The following FANCI variants were observed in gnomAD, a reference collection of about 807,000 sequenced individuals.
FANCI encodes the protein Fanconi anemia group I protein.
Under a neutral mutation model 176.1 loss-of-function variants are expected in FANCI, and 156 were observed. That is an observed-to-expected ratio of 0.89 (90% confidence interval 0.78 to 1.01). The LOEUF (loss-of-function observed/expected upper bound fraction) is 1.01. Ranked by LOEUF, FANCI falls within the 50% of genes least tolerant of loss-of-function variation. The pLI is 0.00. For synonymous variants in FANCI, 613 were observed against 541.7 expected (o/e 1.13, Z -1.83); for missense variants, 1,678 against 1,534.1 (o/e 1.09, Z -1.57).
chr15:89,252,299 TA>T (rs765131815), intron 2 of FANCI, among the ~76,000 whole-genome samples: 1,563 of 129,800 alleles, frequency 0.012, 6 homozygotes, highest in African/African-American at 0.03. Context: ...AGATTCCATC[TA>T]AAAAAAAAAA....
In FANCI at chr15:89,316,848, G is replaced by C. The variant is rs554635520; in HGVS notation, c.*389G>C. 13 of 1,570,940 alleles carry C rather than the reference G, an allele frequency of 8.3e-6. No homozygotes were observed. The highest frequency in any genetic ancestry group is 8.8e-6 in the Non-Finnish European group (10 of 1,140,782). ...TTCACCTGAAAGATAGTGCAAATTG[G>C]TTAGGATGCCACCTCAAGAACTGTA... On this transcript the variant is annotated 3_prime_UTR_variant, in exon 38 of 38. Transcript: ENST00000310775.
chr15:89,301,865 C>G (rs149328975), intron 27 of FANCI, among the ~76,000 whole-genome samples: 222 of 152,350 alleles, frequency 1.5e-3, no homozygotes, highest in African/African-American at 4.6e-3. Context: ...TTACCTGGTA[C>G]TGACTTTGGA....
chr15:89,282,198 A>G (rs2053641356), intron 16 of FANCI: 1 of 300,454 alleles, frequency 3.3e-6, no homozygotes, highest in African/African-American at 2.2e-5. Context: ...ACTACATTAG[A>G]ATAATCTTCA....
rs779276973 is a variant in FANCI at position 89,292,746 on chromosome 15, C to T, written c.2051C>T (p.Pro684Leu). The T allele has an allele frequency of 5.0e-5, 81 of 1,613,594 alleles. No homozygotes were observed. The highest frequency in any genetic ancestry group is 6.4e-5 in the Non-Finnish European group (76 of 1,179,940). The stretch of plus-strand genomic sequence containing the variant: ...GCCTGGTATAAGAATACAGTCATAC[C>T]CTTACAGCAGGGAGAGGAGGAAGAG... ...CLAWYKNTVI[P>L]LQQGEEEEEE... The change falls in exon 21 of 38, where the codon CCC becomes CTC. Residue 684 changes from proline to leucine, a missense_variant. This residue lies in a region of FANCI where 1,204 missense variants were observed against 1,077.4 expected (regional missense o/e 1.12). Transcript: ENST00000310775.
At chr15:89,264,499 T>G in intron 8 of FANCI, 23 bp from the exon 9 acceptor site, 1 of 1,608,306 alleles carries the variant, frequency 6.2e-7, no homozygotes, top group Non-Finnish European at 8.5e-7. Flanking sequence ...TGGGAGACCT[T>G]ACCAATTTTG....
chr15:89,264,176 A>G lies in FANCI; in HGVS notation c.669+150A>G, dbSNP rs1000965108. 3.3e-6 allele frequency: 3 copies of G among 916,652 alleles called. No individual in the cohort carries two copies. The African/African-American group carries it at 5.0e-5, about 15-fold the overall frequency. The allele number at this position is 916,652 out of a possible 1,614,324, so 56.8% of individuals were successfully genotyped here. On this transcript the variant is annotated intron_variant, in intron 8 of 37. Transcript: ENST00000310775. ...CGTGAGCAAACATAGCCGAACATAG[A>G]TGCTTTCATTTCACATATAGTGGTT...
chr15:89,313,972 ATCACACAC>A (rs2055076828), intron 35 of FANCI, among the ~76,000 whole-genome samples: 1 of 82,928 alleles, frequency 1.2e-5, no homozygotes, highest in African/African-American at 4.9e-5. Context: ...AAGATATATA[ATCACACAC>A]ACACACACAC....
Position 89,281,316 on chromosome 15 carries a change from C to T in FANCI, c.1512+16C>T. ...GGCAGTGCAGGTAAGTCTTCAGATT[C>T]CCAAGTAACTTGCCAAAACTGAGGT... On this transcript the variant is annotated intron_variant, in intron 15 of 37. Coordinates refer to ENST00000310775, the MANE Select transcript of FANCI (RefSeq NM_001113378.2). 1 of 1,613,358 alleles carries T rather than the reference C, an allele frequency of 6.2e-7. No homozygotes were observed. The highest frequency in any genetic ancestry group is 8.5e-7 in the Non-Finnish European group (1 of 1,179,576).
intron 10 of FANCI, 52 bp from the exon 11 acceptor site, chr15:89,273,325 A>G (rs2053273101): frequency 8.7e-6 from 8 of 919,028 alleles, no homozygotes; most frequent in Non-Finnish European, 6.8e-6. Context: ...AAAAAAAAAA[A>G]AGAAAAAAGA....
intron 10 of FANCI, among the ~76,000 whole-genome samples, chr15:89,269,949 T>C (rs2053135015): frequency 6.6e-6 from 1 of 152,128 alleles, no homozygotes; most frequent in South Asian, 2.1e-4. Context: ...TAGCTGGGAC[T>C]ACAAGTGCGT....
intron 9 of FANCI, 106 bp from the exon 10 acceptor site, chr15:89,268,293 A>T: frequency 8.4e-7 from 1 of 1,193,008 alleles, no homozygotes; most frequent in Non-Finnish European, 1.2e-6. Flanking sequence ...CTGGTCTTGA[A>T]CTCCTGGGAT....
At chr15:89,281,966 A>C in intron 16 of FANCI, 131 bp downstream of exon 16, 1 of 850,054 alleles carries the variant, frequency 1.2e-6, no homozygotes, top group Non-Finnish European at 2.0e-6. Flanking sequence ...GAGCAATTTC[A>C]TCAAATAAGG....
At chr15:89,249,097 T>G (rs1208592454) in intron 2 of FANCI, among the ~76,000 whole-genome samples, 2 of 152,236 alleles carry the variant, frequency 1.3e-5, no homozygotes, top group Admixed American at 6.5e-5. Flanking sequence ...AAGATCATTT[T>G]GTATGATTCT....
rs117284046 is a variant in FANCI, at chr15:89,290,318, C to G, written c.1890+37C>G. On this transcript the variant is annotated intron_variant, in intron 19 of 37. Transcript: ENST00000310775. ...TTTTATGGATATATGGAAAACAGACCATCAAGGATCGAGAGACAGTTGATG... is the reference window on the plus strand; with the variant it reads ...TTTTATGGATATATGGAAAACAGACGATCAAGGATCGAGAGACAGTTGATG... 5.9e-4 allele frequency: 874 copies of G among 1,483,994 alleles called. 6 individuals are homozygous for G. In the East Asian group the frequency reaches 0.018, roughly 31 times the overall value. The allele number at this position is 1,483,994 out of a possible 1,614,324, so 91.9% of individuals were successfully genotyped here. A position where few individuals can be genotyped will look rare whatever the true frequency, so the allele number is the denominator to read the frequency against.
chr15:89,304,846 G>C lies in FANCI; in HGVS notation c.3059-269G>C, dbSNP rs1213298713. 1.1e-4 allele frequency among the ~76,000 whole-genome samples: 16 copies of C among 151,596 alleles called. 1 individual carries two copies. The East Asian group carries it at 1.6e-3, about 15-fold the overall frequency. On this transcript the variant is annotated intron_variant, in intron 28 of 37. Coordinates refer to ENST00000310775, the MANE Select transcript of FANCI (RefSeq NM_001113378.2). ...GGCAGGAATGCAATGGCACGGTCTT[G>C]GCTGACCGCAGCCTCCGCCTCCTGG...
In FANCI at chr15:89,285,014, G is replaced by A. The variant is rs569579439; in HGVS notation, c.1699-82G>A. 1,124 of 1,595,610 alleles carry A rather than the reference G, an allele frequency of 7.0e-4. 2 individuals are homozygous for A. The Middle Eastern group carries it at 0.026, about 37-fold the overall frequency. ...CATGTGGAGGAAGCTAAGTTTTTTCGACCAAGAACATAGGCTCATTTAGCT... is the reference window on the plus strand; with the variant it reads ...CATGTGGAGGAAGCTAAGTTTTTTCAACCAAGAACATAGGCTCATTTAGCT... On this transcript the variant is annotated intron_variant, in intron 17 of 37. Coordinates refer to ENST00000310775, the MANE Select transcript of FANCI (RefSeq NM_001113378.2).
intron 18 of FANCI, among the ~76,000 whole-genome samples, chr15:89,286,705 T>G (rs2053829601): frequency 6.6e-6 from 1 of 152,156 alleles, no homozygotes; most frequent in East Asian, 1.9e-4. Flanking sequence ...GGCCCTAGGA[T>G]TTTTGGAATA....
Position 89,294,899 on chromosome 15 carries a change from C to A in FANCI, c.2457-16C>A. 1 of 1,548,606 alleles carries A rather than the reference C, an allele frequency of 6.5e-7. No individual in the cohort carries two copies. The highest frequency in any genetic ancestry group is 1.2e-5 in the South Asian group (1 of 83,622). ...GGAATCTTCCTTTTTCTTTCTCTCTCTCTGTCTCTCTCTAGGGATAGTATC... is the reference window on the plus strand; with the variant it reads ...GGAATCTTCCTTTTTCTTTCTCTCTATCTGTCTCTCTCTAGGGATAGTATC... On this transcript the variant is annotated splice_polypyrimidine_tract_variant and intron_variant, in intron 23 of 37. Transcript: ENST00000310775.
At chr15:89,281,885 G>C (rs1264313790) in intron 16 of FANCI, 50 bp downstream of exon 16, 3 of 1,544,674 alleles carry the variant, frequency 1.9e-6, no homozygotes, top group Non-Finnish European at 2.7e-6. Context: ...TCTAATGTTG[G>C]AGCTAAAGTT....
Sources: gnomAD v4.1 joint callset for allele counts (sites outside exome capture counted in the v4.1 genomes callset) on GRCh38, gnomAD v4.1.1 for gene constraint, gnomAD v4.1.1 regional missense constraint, MANE v1.5 for transcripts, NCBI Gene and HGNC (gene_info 2026-07-23, HGNC 2026-07-21) for gene names.